The following ARMH3 variants were observed in gnomAD, a reference collection of about 807,000 sequenced individuals.
ARMH3 encodes the protein armadillo like helical domain containing 3.
Under a neutral mutation model 99.1 loss-of-function variants are expected in ARMH3, and 60 were observed. The ratio of observed to expected loss-of-function variants is 0.61; its 90% CI spans 0.49 to 0.75. The LOEUF (loss-of-function observed/expected upper bound fraction) is 0.75, where lower values mean the gene tolerates loss of function less well. Ranked by LOEUF, ARMH3 falls within the 30% of genes least tolerant of loss-of-function variation. The pLI is 0.00. For synonymous variants in ARMH3, 285 were observed against 292.8 expected (o/e 0.97, Z 0.27); for missense variants, 679 against 843.1 (o/e 0.81, Z 2.41).
intron 23 of ARMH3, among the ~76,000 whole-genome samples, chr10:101,902,950 C>T (rs545561161): frequency 6.6e-6 from 1 of 152,174 alleles, no homozygotes; most frequent in African/African-American, 2.4e-5. Flanking sequence ...GAGGGTGAGG[C>T]GGTTGGCTCT....
chr10:101,987,337 A>G (rs1846557774), intron 19 of ARMH3, among the ~76,000 whole-genome samples: 1 of 152,192 alleles, frequency 6.6e-6, no homozygotes, highest in East Asian at 1.9e-4. Context: ...CCACACAGAA[A>G]ATCCCTAGTG....
At chr10:102,038,089 CTTTT>C (rs949920845) in intron 2 of ARMH3, among the ~76,000 whole-genome samples, 12 of 113,308 alleles carry the variant, frequency 1.1e-4, no homozygotes, top group African/African-American at 4.2e-4. Context: ...AGAAAGAATC[CTTTT>C]TTTTTTTTTT....
At chr10:102,048,060 A>G (rs17700149) in intron 1 of ARMH3, among the ~76,000 whole-genome samples, 7,461 of 152,278 alleles carry the variant, frequency 0.049, 198 homozygotes, top group Middle Eastern at 0.095. Flanking sequence ...GATGACCATT[A>G]AAGTTTGAGA....
At chr10:102,005,732 T>C (rs1267285099) in intron 14 of ARMH3, among the ~76,000 whole-genome samples, 3 of 152,224 alleles carry the variant, frequency 2.0e-5, no homozygotes, top group Non-Finnish European at 4.4e-5. Flanking sequence ...CAGCCTATAA[T>C]AGACCTCAAA....
At chr10:101,956,051 C>A (rs895376474) in intron 22 of ARMH3, among the ~76,000 whole-genome samples, 2 of 152,140 alleles carry the variant, frequency 1.3e-5, no homozygotes, top group Non-Finnish European at 2.9e-5. Flanking sequence ...CTATTCCAAA[C>A]TTATAGGGAC....
chr10:101,847,723 T>G, intron 25 of ARMH3, 103 bp from the exon 26 acceptor site: 2 of 1,007,504 alleles, frequency 2.0e-6, no homozygotes, highest in Non-Finnish European at 3.1e-6. Flanking sequence ...CACGGGGCAC[T>G]AGAAGTCTCT....
intron 19 of ARMH3, among the ~76,000 whole-genome samples, chr10:101,988,334 C>T (rs1020538905): frequency 1.3e-5 from 2 of 152,152 alleles, no homozygotes; most frequent in African/African-American, 4.8e-5. Context: ...GTAAATAGCA[C>T]ATCCTAAAAC....
At chr10:102,045,415 A>G (rs1379366745) in intron 1 of ARMH3, among the ~76,000 whole-genome samples, 1 of 152,174 alleles carries the variant, frequency 6.6e-6, no homozygotes, top group Non-Finnish European at 1.5e-5. Flanking sequence ...GAGAGATTAA[A>G]GTAGGCCTCT....
At chr10:101,985,074 T>TACACACACACAC (rs766381815) in intron 19 of ARMH3, among the ~76,000 whole-genome samples, 5 of 65,896 alleles carry the variant, frequency 7.6e-5, no homozygotes, top group African/African-American at 2.0e-4. Context: ...TCTAAAAATA[T>TACACACACACAC]ATATACACAC....
intron 13 of ARMH3, among the ~76,000 whole-genome samples, chr10:102,007,603 G>A (rs1384984043): frequency 2.1e-5 from 3 of 145,032 alleles, no homozygotes; most frequent in African/African-American, 7.7e-5. Context: ...GATGGACCAC[G>A]AGGTCAGGGG....
chr10:101,911,023 C>A (rs1291830077), intron 23 of ARMH3, among the ~76,000 whole-genome samples: 4 of 151,642 alleles, frequency 2.6e-5, no homozygotes, highest in Non-Finnish European at 5.9e-5. Context: ...GCCTGTAATC[C>A]CAACTATTCG....
At chr10:101,887,815 C>G (rs188859619) in intron 24 of ARMH3, among the ~76,000 whole-genome samples, 1 of 152,074 alleles carries the variant, frequency 6.6e-6, no homozygotes, top group East Asian at 1.9e-4. Context: ...CCATTGAAAT[C>G]GCTTCGTCTC....
In ARMH3 at chr10:101,895,372, C is replaced by T. The variant is rs563728966; in HGVS notation, c.1782-5882G>A. On this transcript the variant is annotated intron_variant, in intron 23 of 25. Coordinates refer to ENST00000370033, the MANE Select transcript of ARMH3 (RefSeq NM_024541.3). ...TTGGCTCACTGCAAGCTCCACCTCC[C>T]GGGTTCACGCCATTCTCCGGCATCA... Among the ~76,000 whole-genome samples the T allele has an allele frequency of 2.2e-4, 34 of 151,914 alleles. No homozygotes were observed. The East Asian group carries it at 6.2e-3, about 28-fold the overall frequency.
intron 23 of ARMH3, among the ~76,000 whole-genome samples, chr10:101,929,633 C>T (rs1843639104): frequency 6.6e-6 from 1 of 151,334 alleles, no homozygotes; most frequent in African/African-American, 2.4e-5. Context: ...AAGCTAATTC[C>T]GATAAATTAA....
chr10:101,994,498 T>C (rs546492040), intron 16 of ARMH3, among the ~76,000 whole-genome samples: 1 of 152,292 alleles, frequency 6.6e-6, no homozygotes, highest in African/African-American at 2.4e-5. Context: ...GTTGAAGCTA[T>C]AAATTTAGCT....
intron 1 of ARMH3, among the ~76,000 whole-genome samples, chr10:102,055,176 C>T (rs1358248079): frequency 1.3e-5 from 2 of 151,742 alleles, no homozygotes; most frequent in African/African-American, 4.8e-5. Flanking sequence ...ATAAAATTAG[C>T]TGGGCGTGGT....
At chr10:101,990,411 T>C (rs1346327133) in intron 19 of ARMH3, 140 bp downstream of exon 19, 1 of 564,700 alleles carries the variant, frequency 1.8e-6, no homozygotes. Context: ...GACCTTGTGA[T>C]CCGCCCGCCT....
At chr10:101,939,079 T>TA (rs2135711823) in intron 23 of ARMH3, among the ~76,000 whole-genome samples, 1 of 152,336 alleles carries the variant, frequency 6.6e-6, no homozygotes, top group African/African-American at 2.4e-5. Context: ...GCATTACTAT[T>TA]ACTAGGAATG....
intron 22 of ARMH3, among the ~76,000 whole-genome samples, chr10:101,948,612 AG>A (rs1844656107): frequency 6.6e-6 from 1 of 152,234 alleles, no homozygotes; most frequent in Admixed American, 6.5e-5. Flanking sequence ...TGAACCAAAA[AG>A]TAAAAAGAAC....
Sources: gnomAD v4.1 joint callset for allele counts (sites outside exome capture counted in the v4.1 genomes callset) on GRCh38, gnomAD v4.1.1 for gene constraint, MANE v1.5 for transcripts, NCBI Gene and HGNC (gene_info 2026-07-23, HGNC 2026-07-21) for gene names.